Variants in GOLGB1 observed in about 807,000 individuals in gnomAD.
GOLGB1 encodes the protein golgin B1.
A neutral mutation model predicts 336.9 loss-of-function variants in GOLGB1; 174 were observed. That is an observed-to-expected ratio of 0.52 (90% CI 0.46 to 0.59). GOLGB1 has a LOEUF of 0.59. GOLGB1 is among the 20% of genes least tolerant of loss of function. The pLI is 0.00. For missense variants in GOLGB1, 3,331 were observed against 3,645.3 expected, an observed-to-expected ratio of 0.91 and a Z score of 2.22; for synonymous variants, 1,208 against 1,289.2, an observed-to-expected ratio of 0.94 and a Z score of 1.35.
intron 14 of GOLGB1, among the ~76,000 whole-genome samples, chr3:121,683,033 T>C (rs1219967892): frequency 6.7e-6 from 1 of 150,166 alleles, no homozygotes; most frequent in Non-Finnish European, 1.5e-5. Context: ...TGAAAGCTGC[T>C]TAAGAAGCAA....
rs112970647 is a variant in GOLGB1, at chr3:121,706,970, T to C, written c.1405-4375A>G. ...ACTCACACCTGCAATCCCAGCACTT[T>C]GGGAGGCCGAGGCGGGTGGATCATG... On this transcript the variant is annotated intron_variant, in intron 10 of 21. Transcript: ENST00000614479. Among the ~76,000 whole-genome samples, 3 of 151,456 alleles carry C rather than the reference T, an allele frequency of 2.0e-5. No individual in the cohort carries two copies. In the East Asian group the frequency reaches 5.8e-4, roughly 29 times the overall value.
At chr3:121,704,934 A>G (rs907471643) in intron 10 of GOLGB1, among the ~76,000 whole-genome samples, 5 of 152,186 alleles carry the variant, frequency 3.3e-5, no homozygotes, top group African/African-American at 1.2e-4. Flanking sequence ...ATACTATAAT[A>G]TTATAGGTTG....
intron 1 of GOLGB1, among the ~76,000 whole-genome samples, chr3:121,736,778 C>T (rs577087230): frequency 6.6e-6 from 1 of 152,062 alleles, no homozygotes; most frequent in Non-Finnish European, 1.5e-5. Context: ...GTGGCATGCA[C>T]CTGTAGTCCC....
At chr3:121,684,339 A>G (rs1576310305) in intron 14 of GOLGB1, among the ~76,000 whole-genome samples, 2 of 151,754 alleles carry the variant, frequency 1.3e-5, no homozygotes, top group East Asian at 3.9e-4. Context: ...CTACATCTAA[A>G]TAACAAACAT....
intron 4 of GOLGB1, among the ~76,000 whole-genome samples, chr3:121,727,539 C>G (rs191801398): frequency 6.6e-6 from 1 of 151,560 alleles, no homozygotes; most frequent in African/African-American, 2.4e-5. Context: ...CAGGACTAAA[C>G]CTTAATAGAA....
In GOLGB1 at chr3:121,694,876, A is replaced by G. The variant is rs149565740; in HGVS notation, c.5647T>C (p.Ser1883Pro). 7.5e-5 allele frequency: 121 copies of G among 1,613,716 alleles called. No individual in the cohort carries two copies. Among genetic ancestry groups the G allele is most frequent in the Non-Finnish European group, 8.9e-5 (105 of 1,179,770 alleles). The part of the protein sequence containing the change: ...NEKNTLLSQI[S>P]TKDGELKMLQ... ...ATTTTTAGTTCACCATCCTTTGTTG[A>G]TATCTGACTCAGTAAGGTATTTTTC... The change falls in exon 13 of 22, where the codon TCA (serine) becomes CCA (proline). Residue 1883 changes from serine to proline, a missense_variant. Transcript: ENST00000614479.
At chr3:121,709,735 C>T (rs1944185721) in intron 10 of GOLGB1, among the ~76,000 whole-genome samples, 1 of 151,952 alleles carries the variant, frequency 6.6e-6, no homozygotes, top group South Asian at 2.1e-4. Flanking sequence ...ATCTTTGATA[C>T]AAAGTTTCAC....
chr3:121,684,888 T>A (rs1360225869), intron 14 of GOLGB1, among the ~76,000 whole-genome samples: 1 of 152,144 alleles, frequency 6.6e-6, no homozygotes, highest in Non-Finnish European at 1.5e-5. Flanking sequence ...TATTCTGGGA[T>A]AGAAAGGGTA....
rs1235001018 is a variant in GOLGB1 at position 121,729,917 on chromosome 3, T to C, written c.197A>G (p.Asp66Gly). ...YAEQLVVELK[D>G]IIRQKDVQLQ... ...TTGAACATCCTTCTGTCTAATAATATCTTTTAGCTCCACCACCAATTGCTC... is the reference window on the plus strand; with the variant it reads ...TTGAACATCCTTCTGTCTAATAATACCTTTTAGCTCCACCACCAATTGCTC... The change falls in exon 3 of 22, where the codon GAT becomes GGT. Residue 66 changes from aspartate (D) to glycine (G), a missense_variant. By Grantham distance (94) the Asp-to-Gly change is moderately conservative. Transcript: ENST00000614479. 4.3e-6 allele frequency: 7 copies of C among 1,611,228 alleles called. No individual in the cohort carries two copies. Among genetic ancestry groups the C allele is most frequent in the Non-Finnish European group, 5.9e-6 (7 of 1,177,530 alleles).
At chr3:121,682,959 C>A (rs1941248032) in intron 14 of GOLGB1, among the ~76,000 whole-genome samples, 1 of 150,934 alleles carries the variant, frequency 6.6e-6, no homozygotes, top group South Asian at 2.1e-4. Context: ...CAGCATCAGG[C>A]ACCTCTGGAA....
Position 121,696,344 on chromosome 3 carries a change from T to G in GOLGB1, c.4179A>C (p.Arg1393Ser). Residue 1393 changes from arginine (R) to serine (S), a missense_variant, in exon 13 of 22, where the codon AGA becomes AGC. Physicochemically the swap from Arg to Ser is moderately radical, Grantham distance 110. Transcript: ENST00000614479. ...GTTCATCCAGTTTAGGTTGCAATTC[T>G]CTTAGATGTTCTAGGCCAGCAATTT... ...QLQIAGLEHLRELQPKLDELQ... is the reference protein window; with the variant it reads ...QLQIAGLEHLSELQPKLDELQ... 2.5e-6 allele frequency: 4 copies of G among 1,614,188 alleles called. No individual in the cohort carries two copies. Among genetic ancestry groups the G allele is most frequent in the Non-Finnish European group, 3.4e-6 (4 of 1,180,006 alleles).
chr3:121,667,350 CT>C, intron 20 of GOLGB1, 125 bp downstream of exon 20: 1 of 959,128 alleles, frequency 1.0e-6, no homozygotes, highest in South Asian at 1.7e-5. Flanking sequence ...TGTTGGTAAA[CT>C]CATTGCAGCA....
Position 121,695,066 on chromosome 3 carries a change from CG to C in GOLGB1, c.5456del (p.Ser1819TrpfsTer12). ...GGTTGGCACTCTTCGCTGATGGAAC[CG>C]ATTCTGAACATGTAGGTCTTGTGCT... is the stretch of plus-strand genomic sequence containing the variant. ...SMSTRPTCSESVPSAKSANPA... is the reference protein window; with the variant it reads ...SMSTRPTCSEXVPSAKSANPA... On this transcript the variant is annotated frameshift_variant, in exon 13 of 22. Transcript: ENST00000614479. LOFTEE classifies it high-confidence loss of function. 1 of 1,614,012 alleles carries C rather than the reference CG, an allele frequency of 6.2e-7. No homozygotes were observed. The highest frequency in any genetic ancestry group is 8.5e-7 in the Non-Finnish European group (1 of 1,180,022).
In GOLGB1 at chr3:121,705,670, AC is replaced by A. The variant is rs142175101; in HGVS notation, c.1405-3076del. ...TGGGAAAAAGTCACGTAAAGAGAAA[AC>A]CCTGCAGATCTGCAAAGGGACTGAA... On this transcript the variant is annotated intron_variant, in intron 10 of 21. Transcript: ENST00000614479. 2.4e-3 allele frequency among the ~76,000 whole-genome samples: 373 copies of A among 152,274 alleles called. 3 individuals are homozygous for A. The highest frequency in any genetic ancestry group is 8.7e-3 in the African/African-American group (362 of 41,546).
At position 121,697,783 on chromosome 3, in the gene GOLGB1, T is replaced by G. The variant is rs776983809; in HGVS notation, c.2740A>C (p.Ser914Arg). Residue 914 changes from serine to arginine, a missense_variant, in exon 13 of 22, where the codon AGT becomes CGT. Physicochemically the swap from Ser to Arg is moderately radical, Grantham distance 110 (BLOSUM62 -1). Transcript: ENST00000614479. Reference sequence around the variant, plus strand: ...AGCTGAACCATTTTCTCAGTCATACTAAAGCTGATTTCTGTCACTTGTTGA... The same window carrying G: ...AGCTGAACCATTTTCTCAGTCATACGAAAGCTGATTTCTGTCACTTGTTGA... ...KDQQVTEISF[S>R]MTEKMVQLNE... 1.9e-6 allele frequency: 3 copies of G among 1,614,032 alleles called. No homozygotes were observed. In the East Asian group the frequency reaches 6.7e-5, roughly 36 times the overall value.
intron 10 of GOLGB1, among the ~76,000 whole-genome samples, chr3:121,708,695 TTACTG>T (rs1308284576): frequency 2.6e-5 from 4 of 152,186 alleles, no homozygotes; most frequent in Non-Finnish European, 5.9e-5. Flanking sequence ...TGTGTACACA[TTACTG>T]TATGTCAAGT....
In GOLGB1 at chr3:121,677,435, G is replaced by C. The variant is rs150976072; in HGVS notation, c.8889C>G (p.Ser2963=). The stretch of plus-strand genomic sequence containing the variant: ...TCATTCTCCTCTCATGTATTTCCCA[G>C]GAACTCTTCTCCATCCTAGAAAAAA... ...ELHQLRMEKS[S]WEIHERRMKE... Residue 2963 remains serine, a synonymous_variant, in exon 16 of 22, where the codon TCC becomes TCG. Coordinates refer to ENST00000614479, the MANE Select transcript of GOLGB1 (RefSeq NM_001366282.2). The C allele has an allele frequency of 5.3e-4, 847 of 1,608,142 alleles. 1 individual carries two copies. The highest frequency in any genetic ancestry group is 5.6e-4 in the Non-Finnish European group (654 of 1,174,960).
At chr3:121,741,096 T>C (rs1946822605) in intron 1 of GOLGB1, among the ~76,000 whole-genome samples, 1 of 152,112 alleles carries the variant, frequency 6.6e-6, no homozygotes, top group Non-Finnish European at 1.5e-5. Context: ...GAGCCAAGGA[T>C]TCTATTTCTG....
At chr3:121,730,699 G>T in intron 2 of GOLGB1, 177 bp downstream of exon 2, 1 of 545,754 alleles carries the variant, frequency 1.8e-6, no homozygotes, top group Non-Finnish European at 3.0e-6. Flanking sequence ...CATCACTGTG[G>T]CTTTTAAGCT....
Sources: allele counts gnomAD v4.1 joint callset (sites outside exome capture counted in the v4.1 genomes callset), GRCh38; gene constraint gnomAD v4.1.1; transcripts MANE v1.5; gene names NCBI Gene and HGNC (gene_info 2026-07-23, HGNC 2026-07-21).